Variants in P2RX7 observed in about 807,000 individuals in gnomAD.
P2RX7 encodes P2X purinoceptor 7.
In P2RX7, 62 loss-of-function variants were observed where a neutral mutation model predicts 71.6. The ratio of observed to expected loss-of-function variants is 0.87; its 90% confidence interval spans 0.71 to 1.07. P2RX7 has a LOEUF of 1.07. Ranked by LOEUF, P2RX7 falls within the 50% of genes least tolerant of loss-of-function variation. The probability of loss-of-function intolerance (pLI) is 0.00; values close to 1 mark genes in which losing one functional copy is unlikely to be tolerated. For synonymous variants in P2RX7, 299 were observed against 283.3 expected (o/e 1.06, Z -0.56); for missense variants, 686 against 748.5 (o/e 0.92, Z 0.97).
In P2RX7 at chr12:121,133,076, A is replaced by T. The variant is rs770684964; in HGVS notation, c.106A>T (p.Ile36Phe). Residue 36 changes from isoleucine (I) to phenylalanine (F), a missense_variant, in exon 1 of 13, where the codon ATC becomes TTC. Coordinates refer to ENST00000328963, the MANE Select transcript of P2RX7 (RefSeq NM_002562.6). The part of the protein sequence containing the change: ...YGTIKWFFHV[I>F]IFSYVCFALV... The stretch of plus-strand genomic sequence containing the variant: ...CACCATTAAGTGGTTCTTCCACGTG[A>T]TCATCTTTTCCTACGTTTGGTAAGT... 2 of 1,614,022 alleles carry T rather than the reference A, an allele frequency of 1.2e-6. No individual in the cohort carries two copies. Among genetic ancestry groups the T allele is most frequent in the East Asian group, 2.2e-5 (1 of 44,878 alleles).
rs368831276 is a variant in P2RX7 at position 121,170,007 on chromosome 12, T to A, written c.881+2383T>A. Among the ~76,000 whole-genome samples the A allele has an allele frequency of 3.2e-4, 48 of 152,308 alleles. 1 individual carries two copies. In the East Asian group the frequency reaches 7.7e-3, roughly 24 times the overall value. On this transcript the variant is annotated intron_variant, in intron 8 of 12. Transcript: ENST00000328963. Reference sequence around the variant, plus strand: ...TGTCCCCGCCACTCCTTAGTGCTTATACCTGGCCCACATCACTCATTTCTG... The same window carrying A: ...TGTCCCCGCCACTCCTTAGTGCTTAAACCTGGCCCACATCACTCATTTCTG...
chr12:121,152,320 A>T (rs1390813635), intron 1 of P2RX7, among the ~76,000 whole-genome samples: 1 of 151,880 alleles, frequency 6.6e-6, no homozygotes, highest in Non-Finnish European at 1.5e-5. Context: ...ATCTCATTTT[A>T]AAAAATTATT....
intron 1 of P2RX7, among the ~76,000 whole-genome samples, chr12:121,146,934 G>A (rs768338377): frequency 1.3e-5 from 2 of 152,194 alleles, no homozygotes; most frequent in Non-Finnish European, 2.9e-5. Flanking sequence ...GCAATAAAAG[G>A]CATCCAGATT....
intron 8 of P2RX7, among the ~76,000 whole-genome samples, chr12:121,170,730 T>A (rs1013347368): frequency 6.6e-6 from 1 of 152,118 alleles, no homozygotes; most frequent in Non-Finnish European, 1.5e-5. Flanking sequence ...GCCGGGGTCA[T>A]GCCACTTCAC....
Position 121,132,958 on chromosome 12 carries a change from G to A in P2RX7, c.-13G>A, listed in dbSNP as rs1362830280. On this transcript the variant is annotated 5_prime_UTR_variant, in exon 1 of 13. Coordinates refer to ENST00000328963, the MANE Select transcript of P2RX7 (RefSeq NM_002562.6). ...CTCTGGTCCAGCTCCGCGCAGGGAGGGAGGCTGTCACCATGCCGGCCTGCT... is the reference window on the plus strand; with the variant it reads ...CTCTGGTCCAGCTCCGCGCAGGGAGAGAGGCTGTCACCATGCCGGCCTGCT... 1.2e-6 allele frequency: 2 copies of A among 1,613,434 alleles called. No homozygotes were observed. The highest frequency in any genetic ancestry group is 2.2e-5 in the East Asian group (1 of 44,892).
Position 121,185,054 on chromosome 12 carries a change from C to A in P2RX7, c.*252C>A. 2.7e-6 allele frequency: 1 copy of A among 369,360 alleles called. No homozygotes were observed. Among genetic ancestry groups the A allele is most frequent in the Non-Finnish European group, 4.9e-6 (1 of 204,656 alleles). The allele number at this position is 369,360 out of a possible 1,614,324, so 22.9% of individuals were successfully genotyped here. On this transcript the variant is annotated 3_prime_UTR_variant, in exon 13 of 13. Transcript: ENST00000328963. ...GAGCCCAGATTGTGCCACTGCTCTC[C>A]AGCCTGGGAGGCACAGCAAACTGTC...
Position 121,180,474 on chromosome 12 carries a change from TC to T in P2RX7, c.1290+20del. The T allele has an allele frequency of 5.9e-6, 8 of 1,356,212 alleles. No homozygotes were observed. Among genetic ancestry groups the T allele is most frequent in the Admixed American group, 2.2e-5 (1 of 44,534 alleles). 84.0% of individuals were successfully genotyped at this position (1,356,212 alleles called of 1,614,324 possible). On this transcript the variant is annotated intron_variant, in intron 12 of 12. Transcript: ENST00000328963. ...AGTCCCAGTAAGTTAAATCATTTTG[TC>T]TTTTTTTTTTTTTTAAGAAAATTTA... is the stretch of plus-strand genomic sequence containing the variant.
intron 8 of P2RX7, among the ~76,000 whole-genome samples, chr12:121,175,100 A>C (rs1483132989): frequency 6.6e-6 from 1 of 152,086 alleles, no homozygotes; most frequent in African/African-American, 2.4e-5. Context: ...ACTTGAGCTC[A>C]GGAGTTCGAG....
chr12:121,148,478 G>T (rs957135195), intron 1 of P2RX7, among the ~76,000 whole-genome samples: 1 of 151,918 alleles, frequency 6.6e-6, no homozygotes, highest in African/African-American at 2.4e-5. Flanking sequence ...GCCTCCCAAA[G>T]TGCTGGAATT....
At chr12:121,136,019 A>ATATATATATAT (rs1456392857) in intron 1 of P2RX7, among the ~76,000 whole-genome samples, 2 of 17,854 alleles carry the variant, frequency 1.1e-4, no homozygotes, top group South Asian at 0.011. Flanking sequence ...AAAAAAAAAA[A>ATATATATATAT]AAAAATATAT....
intron 1 of P2RX7, among the ~76,000 whole-genome samples, chr12:121,134,322 T>G (rs1167821264): frequency 1.3e-5 from 2 of 152,202 alleles, no homozygotes; most frequent in Non-Finnish European, 2.9e-5. Context: ...CAGCAGAGTA[T>G]GAGGGATCCA....
intron 1 of P2RX7, among the ~76,000 whole-genome samples, chr12:121,133,411 C>T (rs1284354799): frequency 2.6e-5 from 4 of 152,182 alleles, no homozygotes; most frequent in Middle Eastern, 3.2e-3. Flanking sequence ...AGGGAGGAGG[C>T]GAGGATCTCA....
At chr12:121,161,342 T>C (rs1879648600) in intron 4 of P2RX7, among the ~76,000 whole-genome samples, 1 of 152,234 alleles carries the variant, frequency 6.6e-6, no homozygotes, top group African/African-American at 2.4e-5. Context: ...GCAATACCCA[T>C]ATTAACCTGC....
At chr12:121,150,165 C>T (rs1036779888) in intron 1 of P2RX7, among the ~76,000 whole-genome samples, 2 of 152,176 alleles carry the variant, frequency 1.3e-5, no homozygotes, top group African/African-American at 2.4e-5. Context: ...CTTTCATGAT[C>T]ACAGTATCCC....
intron 3 of P2RX7, 137 bp from the exon 4 acceptor site, chr12:121,160,765 G>C (rs1879507588): frequency 1.3e-6 from 1 of 757,880 alleles, no homozygotes; most frequent in South Asian, 1.4e-5. Context: ...CACTTGCGTG[G>C]TTTCCACTTT....
At chr12:121,179,316 T>C (rs1883707969) in intron 11 of P2RX7, among the ~76,000 whole-genome samples, 1 of 151,910 alleles carries the variant, frequency 6.6e-6, no homozygotes, top group Non-Finnish European at 1.5e-5. Context: ...CTGGCCAACA[T>C]GGAGAAACCC....
At chr12:121,159,610 G>A (rs6489794) in intron 3 of P2RX7, among the ~76,000 whole-genome samples, 30,333 of 151,788 alleles carry the variant, frequency 0.2, 3,756 homozygotes, top group African/African-American at 0.32. Flanking sequence ...AAGAGCAGAG[G>A]CCATTTTCAC....
intron 1 of P2RX7, among the ~76,000 whole-genome samples, chr12:121,141,872 A>G (rs887349216): frequency 6.6e-6 from 1 of 152,164 alleles, no homozygotes; most frequent in African/African-American, 2.4e-5. Context: ...CACACAATCC[A>G]TGTCACAGCT....
At chr12:121,140,747 G>A (rs1472048357) in intron 1 of P2RX7, among the ~76,000 whole-genome samples, 1 of 151,984 alleles carries the variant, frequency 6.6e-6, no homozygotes, top group Non-Finnish European at 1.5e-5. Flanking sequence ...CCCTCGCCTG[G>A]GTGACAGACT....
Sources: allele counts gnomAD v4.1 joint callset (sites outside exome capture counted in the v4.1 genomes callset), GRCh38; gene constraint gnomAD v4.1.1; transcripts MANE v1.5; gene names NCBI Gene and HGNC (gene_info 2026-07-23, HGNC 2026-07-21).